Variants in LUC7L2 observed in about 807,000 individuals in gnomAD.
LUC7L2 encodes LUC7 like 2, pre-mRNA splicing factor, also known as putative RNA-binding protein Luc7-like 2.
In LUC7L2, 25 loss-of-function variants were observed where a neutral mutation model predicts 52.8. The ratio of observed to expected loss-of-function variants is 0.47; its 90% confidence interval spans 0.34 to 0.66. The LOEUF is 0.66. LUC7L2 is among the 30% of genes least tolerant of loss of function. The probability of loss-of-function intolerance (pLI) is 0.01; values close to 1 mark genes in which losing one functional copy is unlikely to be tolerated. For missense variants in LUC7L2, 328 were observed against 497.8 expected, an observed-to-expected ratio of 0.66 and a Z score of 3.25; for synonymous variants, 144 against 160.9, an observed-to-expected ratio of 0.89 and a Z score of 0.80.
Position 139,384,621 on chromosome 7 carries a change from T to C in LUC7L2, c.156+8465T>C, listed in dbSNP as rs370439222. Among the ~76,000 whole-genome samples, 62 of 152,336 alleles carry C rather than the reference T, an allele frequency of 4.1e-4. 1 individual carries two copies. In the East Asian group the frequency reaches 0.01, roughly 26 times the overall value. ...CCAGTGAATAATTAAAATTTTACTA[T>C]TAAACCTTAAAAACCAAGGCTTTAA... On this transcript the variant is annotated intron_variant, in intron 2 of 9. Coordinates refer to ENST00000354926, the MANE Select transcript of LUC7L2 (RefSeq NM_016019.5).
chr7:139,341,404 C>G (rs752049299), intron 1 of LUC7L2: 1 of 1,613,278 alleles, frequency 6.2e-7, no homozygotes, highest in Non-Finnish European at 8.5e-7. Flanking sequence ...TTAGGGTCCC[C>G]GTCGCACACT....
intron 3 of LUC7L2, among the ~76,000 whole-genome samples, chr7:139,400,590 G>A (rs1794866247): frequency 6.6e-6 from 1 of 152,118 alleles, no homozygotes; most frequent in Admixed American, 6.6e-5. Flanking sequence ...CTCTCCTGTG[G>A]TTTCTTCTGG....
upstream of LUC7L2, among the ~76,000 whole-genome samples, chr7:139,355,491 C>T (rs573635384): frequency 3.5e-4 from 54 of 152,156 alleles, 2 homozygotes; most frequent in South Asian, 0.011. Flanking sequence ...GATTACACAA[C>T]AATTGTTCAC....
At chr7:139,376,272 T>G in intron 2 of LUC7L2, 116 bp downstream of exon 2, 1 of 1,016,868 alleles carries the variant, frequency 9.8e-7, no homozygotes, top group Non-Finnish European at 1.4e-6. Context: ...TTTGCATCCT[T>G]TATTGTTTGT....
intron 1 of LUC7L2, among the ~76,000 whole-genome samples, chr7:139,361,975 G>A (rs1404203494): frequency 2.6e-5 from 4 of 152,132 alleles, no homozygotes; most frequent in African/African-American, 7.2e-5. Context: ...CTCCTGATAA[G>A]TTTCTGAATT....
At chr7:139,373,460 A>G (rs1480294973) in intron 1 of LUC7L2, among the ~76,000 whole-genome samples, 2 of 152,214 alleles carry the variant, frequency 1.3e-5, no homozygotes, top group Non-Finnish European at 2.9e-5. Context: ...TGCTACGGTT[A>G]TCAAATATTT....
Position 139,376,410 on chromosome 7 carries a change from G to C in LUC7L2, c.156+254G>C, listed in dbSNP as rs192547210. 2.4e-3 allele frequency among the ~76,000 whole-genome samples: 367 copies of C among 152,242 alleles called. 3 individuals are homozygous for C. Among genetic ancestry groups the C allele is most frequent in the Non-Finnish European group, 3.9e-3 (264 of 67,996 alleles). ...AAAAGCATGTTTTATTTGGAATACA[G>C]AAGTAGTTATATAGCATTTGTACTT... On this transcript the variant is annotated intron_variant, in intron 2 of 9. Coordinates refer to ENST00000354926, the MANE Select transcript of LUC7L2 (RefSeq NM_016019.5).
chr7:139,400,210 C>CTTAATCCCAGCACT (rs1569386971), intron 3 of LUC7L2, among the ~76,000 whole-genome samples: 7 of 152,082 alleles, frequency 4.6e-5, no homozygotes, highest in African/African-American at 1.7e-4. Flanking sequence ...CGTGGTGGCT[C>CTTAATCCCAGCACT]GTAATCCCAG....
At chr7:139,414,809 A>G (rs76112500) in intron 8 of LUC7L2, among the ~76,000 whole-genome samples, 18 of 152,190 alleles carry the variant, frequency 1.2e-4, no homozygotes, top group South Asian at 1.0e-3. Context: ...TTCAGTGCCA[A>G]CCTATCAGAA....
At chr7:139,346,016 T>A (rs987355023) in intron 1 of LUC7L2, 3 of 184,108 alleles carry the variant, frequency 1.6e-5, no homozygotes, top group African/African-American at 7.2e-5. Context: ...GGCAGGCGGA[T>A]CACCTGAGGT....
At chr7:139,355,310 G>C (rs571080881), upstream of LUC7L2, among the ~76,000 whole-genome samples, 2 of 151,880 alleles carry the variant, frequency 1.3e-5, no homozygotes. Flanking sequence ...AGGAAGACAG[G>C]ATTATATCCT....
chr7:139,375,733 T>G (rs1177639602), intron 1 of LUC7L2: 5 of 464,150 alleles, frequency 1.1e-5, no homozygotes, highest in Non-Finnish European at 1.2e-5. Context: ...GGGCCTCAGT[T>G]TTCTCATCTG....
intron 2 of LUC7L2, among the ~76,000 whole-genome samples, chr7:139,382,640 G>A (rs1801097101): frequency 6.6e-6 from 1 of 151,904 alleles, no homozygotes; most frequent in Non-Finnish European, 1.5e-5. Flanking sequence ...GGATCCACCA[G>A]CCTAGGCCTC....
At chr7:139,360,460 C>G (rs558228966) in intron 1 of LUC7L2, 138 bp downstream of exon 1, 18 of 723,862 alleles carry the variant, frequency 2.5e-5, no homozygotes, top group Non-Finnish European at 3.8e-5. Flanking sequence ...CCCCGTCCCC[C>G]GTCCCATCCA....
intron 2 of LUC7L2, among the ~76,000 whole-genome samples, chr7:139,387,750 T>C (rs1388294926): frequency 6.6e-6 from 1 of 152,180 alleles, no homozygotes; most frequent in East Asian, 1.9e-4. Flanking sequence ...ATAAGTTGTT[T>C]TTTCTTTTCC....
chr7:139,422,179 T>C lies in LUC7L2; in HGVS notation c.1018T>C (p.Phe340Leu). 1 of 1,597,812 alleles carries C rather than the reference T, an allele frequency of 6.3e-7. No homozygotes were observed. Among genetic ancestry groups the C allele is most frequent in the Non-Finnish European group, 8.5e-7 (1 of 1,176,114 alleles). The change falls in exon 10 of 10, where the codon TTC becomes CTC. Residue 340 changes from phenylalanine to leucine, a missense_variant. Phe to Leu is a conservative substitution (Grantham distance 22, BLOSUM62 0). Coordinates refer to ENST00000354926, the MANE Select transcript of LUC7L2 (RefSeq NM_016019.5). ...ATTTTTCAGATCCTCAAAAGAAAGA[T>C]TCAGAGACCAAGACTTAGCATCATG... is the stretch of plus-strand genomic sequence containing the variant. Reference protein sequence around the residue: ...RSKRRSSKERFRDQDLASCDR... With the variant: ...RSKRRSSKERLRDQDLASCDR...
chr7:139,341,214 C>A, intron 1 of LUC7L2: 1 of 1,211,334 alleles, frequency 8.3e-7, no homozygotes, highest in Non-Finnish European at 1.1e-6. Context: ...CGCCCCTGGG[C>A]CTTCGATTAA....
At chr7:139,394,914 A>G (rs1243079055) in intron 2 of LUC7L2, among the ~76,000 whole-genome samples, 4 of 152,216 alleles carry the variant, frequency 2.6e-5, no homozygotes, top group African/African-American at 9.6e-5. Context: ...GTGGTTCTCA[A>G]CATTGCACAT....
intron 1 of LUC7L2, among the ~76,000 whole-genome samples, chr7:139,369,287 CT>C (rs1308633459): frequency 6.6e-6 from 1 of 152,174 alleles, no homozygotes; most frequent in Non-Finnish European, 1.5e-5. Flanking sequence ...CAGGCTGTAA[CT>C]TTTTATGCCA....
Sources: gnomAD v4.1 joint callset for allele counts (sites outside exome capture counted in the v4.1 genomes callset) on GRCh38, gnomAD v4.1.1 for gene constraint, MANE v1.5 for transcripts, NCBI Gene and HGNC (gene_info 2026-07-23, HGNC 2026-07-21) for gene names.